NT5C2: variants seen among roughly 807,000 people sequenced by gnomAD.
The protein encoded by NT5C2 is 5'-nucleotidase, cytosolic II.
A neutral mutation model predicts 76.1 loss-of-function variants in NT5C2; 58 were observed. That is an observed-to-expected ratio of 0.76 (90% CI 0.62 to 0.95). The LOEUF is 0.95. Among genes scored for constraint, NT5C2 ranks in the 40% least tolerant of loss-of-function variants. NT5C2 has a pLI of 0.00. For missense variants in NT5C2, 478 were observed against 690.3 expected (o/e 0.69, Z 3.45); for synonymous variants, 229 against 237.4 (o/e 0.96, Z 0.32).
chr10:103,164,698 ATCTC>A (rs1031280830), intron 3 of NT5C2, among the ~76,000 whole-genome samples: 13 of 152,184 alleles, frequency 8.5e-5, no homozygotes, highest in Non-Finnish European at 1.6e-4. Context: ...ACATGAATAA[ATCTC>A]TCTCTCAGAC....
At chr10:103,096,845 CAAAAAAAAAAAAA>C (rs71019656) in intron 11 of NT5C2, among the ~76,000 whole-genome samples, 14 of 31,372 alleles carry the variant, frequency 4.5e-4, no homozygotes, top group Admixed American at 1.1e-3. Context: ...GACTCTGTCT[CAAAAAAAAAAAAA>C]AAAAAAAAAA....
At chr10:103,184,376 G>A (rs2135369708) in intron 1 of NT5C2, among the ~76,000 whole-genome samples, 1 of 152,274 alleles carries the variant, frequency 6.6e-6, no homozygotes, top group East Asian at 1.9e-4. Context: ...CCAAAGTGAT[G>A]CCAACAGTTA....
At position 103,139,499 on chromosome 10, in the gene NT5C2, A is replaced by G; in HGVS notation, c.102-20T>C. The G allele has an allele frequency of 6.9e-7, 1 of 1,445,152 alleles. No individual in the cohort carries two copies. The highest frequency in any genetic ancestry group is 9.5e-7 in the Non-Finnish European group (1 of 1,054,084). 89.5% of individuals were successfully genotyped at this position (1,445,152 alleles called of 1,614,324 possible). On this transcript the variant is annotated intron_variant, in intron 3 of 18. Coordinates refer to ENST00000404739, the MANE Select transcript of NT5C2 (RefSeq NM_001351169.2). Reference sequence around the variant, plus strand: ...AACACCCTATAGAAAATAATAAAAAATAATATCTCAACACTGGAAAATAAA... The same window carrying G: ...AACACCCTATAGAAAATAATAAAAAGTAATATCTCAACACTGGAAAATAAA...
intron 3 of NT5C2, among the ~76,000 whole-genome samples, chr10:103,159,251 G>GCACACACACA (rs57117670): frequency 5.0e-4 from 66 of 133,284 alleles, no homozygotes; most frequent in South Asian, 1.3e-3. Flanking sequence ...TCCAAAACAT[G>GCACACACACA]CACACACACA....
intron 5 of NT5C2, 86 bp from the exon 6 acceptor site, chr10:103,105,887 C>T (rs1392196815): frequency 1.1e-6 from 1 of 879,886 alleles, no homozygotes; most frequent in East Asian, 2.5e-5. Context: ...CATGAACCAA[C>T]CTCATTTAAT....
Position 103,093,999 on chromosome 10 carries a change from G to C in NT5C2, c.961C>G (p.Leu321Val). The C allele has an allele frequency of 6.2e-7, 1 of 1,613,846 alleles. No homozygotes were observed. Among genetic ancestry groups the C allele is most frequent in the Non-Finnish European group, 8.5e-7 (1 of 1,179,762 alleles). Residue 321 changes from leucine to valine, a missense_variant, in exon 14 of 19, where the codon CTA (leucine) becomes GTA (valine). Physicochemically the swap from Leu to Val is conservative, Grantham distance 32 (BLOSUM62 1). Transcript: ENST00000404739. Reference protein sequence around the residue: ...KLKIGTYTGPLQHGIVYSGGS... With the variant: ...KLKIGTYTGPVQHGIVYSGGS... ...CCTGAGTAGACGATACCATGCTGTAGGGGCCCTGTGTAGGTACCAATTTTC... is the reference window on the plus strand; with the variant it reads ...CCTGAGTAGACGATACCATGCTGTACGGGCCCTGTGTAGGTACCAATTTTC...
chr10:103,143,699 T>C (rs938165173), intron 3 of NT5C2, among the ~76,000 whole-genome samples: 23 of 139,724 alleles, frequency 1.6e-4, no homozygotes, highest in African/African-American at 6.1e-4. Context: ...CTCACACCTA[T>C]AATCCCAGCA....
chr10:103,149,491 G>A (rs769582438), intron 3 of NT5C2, among the ~76,000 whole-genome samples: 20 of 152,202 alleles, frequency 1.3e-4, no homozygotes, highest in Non-Finnish European at 2.4e-4. Context: ...CACAAGTTAC[G>A]GGAGAAACCA....
chr10:103,093,738 T>C, intron 14 of NT5C2: 2 of 498,894 alleles, frequency 4.0e-6, no homozygotes, highest in South Asian at 3.3e-5. Context: ...AAGCCTCCAA[T>C]AGGATTTAAA....
intron 1 of NT5C2, among the ~76,000 whole-genome samples, chr10:103,188,746 A>G (rs988333762): frequency 2.6e-5 from 4 of 152,198 alleles, no homozygotes; most frequent in African/African-American, 9.7e-5. Context: ...TTATGCCTAT[A>G]ATCCCAGCAC....
chr10:103,188,488 G>C (rs1162005851), intron 1 of NT5C2, among the ~76,000 whole-genome samples: 1 of 152,152 alleles, frequency 6.6e-6, no homozygotes, highest in African/African-American at 2.4e-5. Context: ...ACGGATCAAA[G>C]GTAGGGAAGA....
chr10:103,151,434 A>G (rs1249092943), intron 3 of NT5C2, among the ~76,000 whole-genome samples: 1 of 151,004 alleles, frequency 6.6e-6, no homozygotes, highest in Non-Finnish European at 1.5e-5. Flanking sequence ...ACTGCACTCC[A>G]GCCTGGGCAA....
chr10:103,148,714 A>G (rs2081936199), intron 3 of NT5C2, among the ~76,000 whole-genome samples: 1 of 152,224 alleles, frequency 6.6e-6, no homozygotes, highest in African/African-American at 2.4e-5. Context: ...TATAAAATAA[A>G]ACATGAAATT....
At chr10:103,131,675 C>T (rs879405765) in intron 4 of NT5C2, among the ~76,000 whole-genome samples, 3 of 152,218 alleles carry the variant, frequency 2.0e-5, no homozygotes, top group Non-Finnish European at 1.5e-5. Flanking sequence ...AGTCTCAGCA[C>T]TTTGGGAGGC....
chr10:103,191,051 G>A (rs1258004774), intron 1 of NT5C2, among the ~76,000 whole-genome samples: 2 of 152,162 alleles, frequency 1.3e-5, no homozygotes, highest in Admixed American at 6.5e-5. Flanking sequence ...TGTTTTTGGG[G>A]ATTTGTTGTT....
intron 3 of NT5C2, among the ~76,000 whole-genome samples, chr10:103,155,785 G>C (rs564769175): frequency 1.1e-4 from 17 of 152,308 alleles, no homozygotes; most frequent in African/African-American, 4.1e-4. Flanking sequence ...CAGTCTTAGA[G>C]AGTCTTGGCG....
chr10:103,150,554 TCATATGTTAAG>T (rs1262569895), intron 3 of NT5C2, among the ~76,000 whole-genome samples: 4 of 152,188 alleles, frequency 2.6e-5, no homozygotes, highest in Admixed American at 2.0e-4. Flanking sequence ...AATTACTAGG[TCATATGTTAAG>T]CATATGTTTA....
At chr10:103,093,703 C>T (rs1350913375) in intron 14 of NT5C2, 3 of 456,244 alleles carry the variant, frequency 6.6e-6, no homozygotes, top group African/African-American at 3.9e-5. Context: ...AGAAGTACCC[C>T]CAAGTGATTC....
chr10:103,110,870 T>G (rs1055179697), intron 4 of NT5C2, among the ~76,000 whole-genome samples: 1 of 152,204 alleles, frequency 6.6e-6, no homozygotes, highest in Non-Finnish European at 1.5e-5. Flanking sequence ...TTTAGATGTT[T>G]TATTCTAAGT....
Sources: gnomAD v4.1 joint callset for allele counts (sites outside exome capture counted in the v4.1 genomes callset) on GRCh38, gnomAD v4.1.1 for gene constraint, MANE v1.5 for transcripts, NCBI Gene and HGNC (gene_info 2026-07-23, HGNC 2026-07-21) for gene names.